ZNF10: variants seen among roughly 807,000 people sequenced by gnomAD.
ZNF10 encodes the protein zinc finger protein 10 (KOX 1).
Under a neutral mutation model 12.2 loss-of-function variants are expected in ZNF10, and 8 were observed. That is an observed-to-expected ratio of 0.66 (90% CI 0.39 to 1.18). ZNF10 has a LOEUF of 1.18. Ranked by LOEUF, ZNF10 falls within the 50% of genes most tolerant of loss-of-function variation. The probability of loss-of-function intolerance (pLI) is 0.01; values close to 1 mark genes in which losing one functional copy is unlikely to be tolerated. For missense variants in ZNF10, 603 were observed against 678.9 expected (o/e 0.89, Z 1.24); for synonymous variants, 229 against 228.2 (o/e 1.00, Z -0.03).
At position 133,151,765 on chromosome 12, in the gene ZNF10, C is replaced by A. The variant is rs370879398; in HGVS notation, c.161-44C>A. On this transcript the variant is annotated intron_variant, in intron 3 of 4. Coordinates refer to ENST00000248211, the MANE Select transcript of ZNF10 (RefSeq NM_015394.5). ...ATGTTTCTTCGTGCCTACCTCAGAG[C>A]TCCCCTGACTCTTACCCTGTTCTTT... The A allele has an allele frequency of 7.2e-6, 11 of 1,526,454 alleles. No homozygotes were observed. In the East Asian group the frequency reaches 2.5e-4, roughly 35 times the overall value. 94.6% of individuals were successfully genotyped at this position (1,526,454 alleles called of 1,614,324 possible). A position where few individuals can be genotyped will look rare whatever the true frequency, so the allele number is the denominator to read the frequency against.
chr12:133,146,721 C>A (rs888052953), intron 2 of ZNF10, among the ~76,000 whole-genome samples: 3 of 151,980 alleles, frequency 2.0e-5, no homozygotes, highest in Non-Finnish European at 4.4e-5. Context: ...TGGCGGGCGC[C>A]TATAAACTCA....
chr12:133,133,079 A>G (rs1170782699), intron 1 of ZNF10, among the ~76,000 whole-genome samples: 1 of 152,224 alleles, frequency 6.6e-6, no homozygotes, highest in Non-Finnish European at 1.5e-5. Context: ...CTTTAGATGT[A>G]AAATTTACAT....
At chr12:133,144,771 CAGAAT>C (rs1955965983) in intron 2 of ZNF10, 1 of 495,846 alleles carries the variant, frequency 2.0e-6, no homozygotes, top group African/African-American at 2.0e-5. Flanking sequence ...GAAAATATGA[CAGAAT>C]GGAATGAGAT....
intron 2 of ZNF10, chr12:133,144,821 C>A (rs12310822): frequency 0.056 from 27,830 of 493,150 alleles, 1,634 homozygotes; most frequent in African/African-American, 0.22. Context: ...GAGGCTAATA[C>A]AAGAAAAAGA....
chr12:133,136,319 C>T (rs556583125), intron 1 of ZNF10, among the ~76,000 whole-genome samples: 9 of 152,264 alleles, frequency 5.9e-5, no homozygotes, highest in African/African-American at 2.2e-4. Context: ...ACTTTTCATT[C>T]CTATTGTGGA....
At position 133,156,925 on chromosome 12, in the gene ZNF10, T is replaced by G; in HGVS notation, c.1679T>G (p.Leu560Arg). 6.9e-7 allele frequency: 1 copy of G among 1,447,578 alleles called. No homozygotes were observed. Among genetic ancestry groups the G allele is most frequent in the Non-Finnish European group, 9.1e-7 (1 of 1,098,744 alleles). 89.7% of individuals were successfully genotyped at this position (1,447,578 alleles called of 1,614,324 possible). A position where few individuals can be genotyped will look rare whatever the true frequency, so the allele number is the denominator to read the frequency against. Residue 560 changes from leucine (L) to arginine (R), a missense_variant, in exon 5 of 5, where the codon CTT (leucine) becomes CGT (arginine). Around this residue, in one of 3 missense-constraint regions of ZNF10, gnomAD observed 204 missense variants for 262.8 expected, o/e 0.78. Transcript: ENST00000248211. ...ACAGCGCTTGTTAATACCTCTAACC[T>G]TATTGGATACCAGACAAATCATATT... ...CGTALVNTSN[L>R]IGYQTNHIRE...
chr12:133,139,537 G>A (rs559785468), intron 1 of ZNF10, among the ~76,000 whole-genome samples: 1 of 152,264 alleles, frequency 6.6e-6, no homozygotes, highest in South Asian at 2.1e-4. Flanking sequence ...TAAACAGGGA[G>A]TGAAACTTTT....
chr12:133,145,213 G>A (rs1955968508), intron 2 of ZNF10, among the ~76,000 whole-genome samples: 1 of 152,270 alleles, frequency 6.6e-6, no homozygotes, highest in South Asian at 2.1e-4. Flanking sequence ...TTCATATGAG[G>A]TAAGGGCATT....
Position 133,147,608 on chromosome 12 carries a change from G to GTTT in ZNF10, c.33+3101_33+3103dup, listed in dbSNP as rs149592494. Among the ~76,000 whole-genome samples the GTTT allele has an allele frequency of 7.2e-3, 840 of 117,028 alleles. 2 individuals carry two copies. Among genetic ancestry groups the GTTT allele is most frequent in the Non-Finnish European group, 8.8e-3 (515 of 58,798 alleles). The allele number at this position is 117,028 out of a possible 152,430, so 76.8% of individuals were successfully genotyped here. On this transcript the variant is annotated intron_variant, in intron 2 of 4. Transcript: ENST00000248211. ...GTAAGAAAACTAGTCTGTTTTCTGA[G>GTTT]TTTTTTTTTTTTTTTTTTTTGGGAG...
rs565341244 is a variant in ZNF10, at chr12:133,138,637, G to T, written c.-59-5797G>T. Reference sequence around the variant, plus strand: ...AGAATAAATATTATTCCGAGGATAGGATGTGCAAATGTGTGAAAACTATTT... The same window carrying T: ...AGAATAAATATTATTCCGAGGATAGTATGTGCAAATGTGTGAAAACTATTT... On this transcript the variant is annotated intron_variant, in intron 1 of 4. Coordinates refer to ENST00000248211, the MANE Select transcript of ZNF10 (RefSeq NM_015394.5). Among the ~76,000 whole-genome samples the T allele has an allele frequency of 9.7e-4, 148 of 152,248 alleles. No individual in the cohort carries two copies. In the Middle Eastern group the frequency reaches 0.01, roughly 11 times the overall value.
Position 133,151,892 on chromosome 12 carries a change from G to A in ZNF10, c.244G>A (p.Glu82Lys), listed in dbSNP as rs1956010423. ...GCTGGTGGAGAGAGAAATTCACCAA[G>A]AGACCCATCCTGGTGAGGACCAGTC... ...PWLVEREIHQ[E>K]THPDSETAFE... The change falls in exon 4 of 5, where the codon GAG (glutamate) becomes AAG (lysine). Residue 82 changes from glutamate to lysine, a missense_variant. By Grantham distance (56) the Glu-to-Lys change is moderately conservative (BLOSUM62 1). Around this residue, in one of 3 missense-constraint regions of ZNF10, gnomAD observed 393 missense variants for 399.7 expected, o/e 0.98. Transcript: ENST00000248211. 1 of 1,613,290 alleles carries A rather than the reference G, an allele frequency of 6.2e-7. No individual in the cohort carries two copies. Among genetic ancestry groups the A allele is most frequent in the Non-Finnish European group, 8.5e-7 (1 of 1,179,466 alleles).
At chr12:133,134,584 A>G (rs922254067) in intron 1 of ZNF10, among the ~76,000 whole-genome samples, 2 of 152,232 alleles carry the variant, frequency 1.3e-5, no homozygotes, top group Admixed American at 6.5e-5. Flanking sequence ...TATGTAACAA[A>G]TGTGTGTTGT....
At chr12:133,145,727 C>G (rs1955971623) in intron 2 of ZNF10, among the ~76,000 whole-genome samples, 1 of 152,054 alleles carries the variant, frequency 6.6e-6, no homozygotes, top group African/African-American at 2.4e-5. Flanking sequence ...ATTGCTTGAA[C>G]CCGGGAGGCG....
At chr12:133,135,203 A>G (rs1240252329) in intron 1 of ZNF10, among the ~76,000 whole-genome samples, 2 of 152,108 alleles carry the variant, frequency 1.3e-5, no homozygotes, top group Non-Finnish European at 2.9e-5. Context: ...TTTGCCTTTC[A>G]TGGGTCTGCC....
chr12:133,146,323 G>C (rs1446765008), intron 2 of ZNF10, among the ~76,000 whole-genome samples: 1 of 152,198 alleles, frequency 6.6e-6, no homozygotes, highest in Non-Finnish European at 1.5e-5. Flanking sequence ...CAGAAAGGCA[G>C]AGGGCAAGAG....
In ZNF10 at chr12:133,132,997, G is replaced by A. The variant is rs118176574; in HGVS notation, c.-60+2243G>A. Among the ~76,000 whole-genome samples the A allele has an allele frequency of 3.8e-3, 582 of 151,836 alleles. 2 individuals carry two copies. The highest frequency in any genetic ancestry group is 6.2e-3 in the Non-Finnish European group (423 of 67,978). On this transcript the variant is annotated intron_variant, in intron 1 of 4. Coordinates refer to ENST00000248211, the MANE Select transcript of ZNF10 (RefSeq NM_015394.5). ...ATTTTTTTCAAAGTAAATTGACATG[G>A]GTACGTATTCCTTAAAAATTTCAGA... is the stretch of plus-strand genomic sequence containing the variant.
intron 1 of ZNF10, 183 bp from the exon 2 acceptor site, chr12:133,144,251 C>T: frequency 2.7e-6 from 1 of 371,688 alleles, no homozygotes; most frequent in Non-Finnish European, 4.8e-6. Flanking sequence ...ATTTATGTAG[C>T]TCTTCTCTTC....
rs772063678 is a variant in ZNF10, at chr12:133,151,125, T to A, written c.131T>A (p.Leu44Gln). 6.2e-7 allele frequency: 1 copy of A among 1,613,656 alleles called. No individual in the cohort carries two copies. Among genetic ancestry groups the A allele is most frequent in the South Asian group, 1.1e-5 (1 of 91,028 alleles). Residue 44 changes from leucine to glutamine, a missense_variant, in exon 3 of 5, where the codon CTG becomes CAG. Around this residue, in one of 3 missense-constraint regions of ZNF10, gnomAD observed 393 missense variants for 399.7 expected, o/e 0.98. Transcript: ENST00000248211. The part of the protein sequence containing the change: ...AQQIVYRNVM[L>Q]ENYKNLVSLG... ...CAGATCGTGTACAGAAATGTGATGC[T>A]GGAGAACTATAAGAACCTGGTTTCC... is the stretch of plus-strand genomic sequence containing the variant.
intron 1 of ZNF10, among the ~76,000 whole-genome samples, chr12:133,142,127 G>A (rs1955948050): frequency 6.6e-6 from 1 of 152,034 alleles, no homozygotes; most frequent in Non-Finnish European, 1.5e-5. Flanking sequence ...TCAACCTATA[G>A]AATGGAAGAA....
Sources: gnomAD v4.1 joint callset for allele counts (sites outside exome capture counted in the v4.1 genomes callset) on GRCh38, gnomAD v4.1.1 for gene constraint, gnomAD v4.1.1 regional missense constraint, MANE v1.5 for transcripts, NCBI Gene and HGNC (gene_info 2026-07-23, HGNC 2026-07-21) for gene names.